RAB38: variants seen among roughly 807,000 people sequenced by gnomAD.
RAB38 encodes the protein RAB38, member RAS oncogene family.
RAB38 carries 15 observed loss-of-function variants against 18.4 expected under a neutral mutation model. The ratio of observed to expected loss-of-function variants is 0.82; its 90% CI spans 0.55 to 1.26. The LOEUF (loss-of-function observed/expected upper bound fraction) is 1.26. Ranked by LOEUF, RAB38 falls within the 50% of genes most tolerant of loss-of-function variation. The pLI, the probability that RAB38 is intolerant of heterozygous loss-of-function variation, is 0.00. For missense variants in RAB38, 294 were observed against 267.4 expected (o/e 1.10, Z -0.69); for synonymous variants, 101 against 104.4 (o/e 0.97, Z 0.20).
At chr11:87,971,769 C>A in the RAB38 span, among the ~76,000 whole-genome samples, 1 of 151,968 alleles carries the variant, frequency 6.6e-6, no homozygotes, top group Admixed American at 6.6e-5. Context: ...TTTAAAGAAC[C>A]ACCTTTGATT....
chr11:87,829,042 C>G, the RAB38 span, among the ~76,000 whole-genome samples: 1 of 152,168 alleles, frequency 6.6e-6, no homozygotes, highest in African/African-American at 2.4e-5. Context: ...AATATCCTCT[C>G]TTTTGCTTCC....
chr11:87,930,558 T>C, the RAB38 span, among the ~76,000 whole-genome samples: 10 of 152,220 alleles, frequency 6.6e-5, no homozygotes, highest in African/African-American at 2.4e-4. Flanking sequence ...GTGCAGAAAC[T>C]CTTTAGTTTA....
At chr11:87,951,467 G>C in the RAB38 span, among the ~76,000 whole-genome samples, 3 of 151,892 alleles carry the variant, frequency 2.0e-5, no homozygotes, top group Non-Finnish European at 2.9e-5. Flanking sequence ...GAGGAGAGGC[G>C]CTCTGCTTTT....
the RAB38 span, among the ~76,000 whole-genome samples, chr11:88,055,203 C>G: frequency 6.6e-6 from 1 of 152,184 alleles, no homozygotes; most frequent in Non-Finnish European, 1.5e-5. Context: ...TGCCTGTGAA[C>G]AGCTACTGCA....
the RAB38 span, among the ~76,000 whole-genome samples, chr11:88,071,086 G>GA: frequency 6.6e-6 from 1 of 152,142 alleles, no homozygotes; most frequent in Non-Finnish European, 1.5e-5. Flanking sequence ...ATGCTCAAAA[G>GA]AAAGACCAGA....
the RAB38 span, among the ~76,000 whole-genome samples, chr11:88,081,875 G>A: frequency 6.6e-6 from 1 of 151,926 alleles, no homozygotes; most frequent in East Asian, 1.9e-4. Context: ...TCCTTCAACT[G>A]GTGAAGGGAT....
the RAB38 span, among the ~76,000 whole-genome samples, chr11:88,055,673 A>C: frequency 1.3e-5 from 2 of 152,344 alleles, no homozygotes; most frequent in East Asian, 3.9e-4. Context: ...TGAAAATATA[A>C]AGCAGTTTTC....
At chr11:88,170,441 G>A (rs1221614165) in intron 1 of RAB38, among the ~76,000 whole-genome samples, 4 of 152,064 alleles carry the variant, frequency 2.6e-5, no homozygotes, top group Non-Finnish European at 5.9e-5. Flanking sequence ...TTCAGAAATC[G>A]GTACTAAAGA....
At chr11:88,160,887 CCT>C (rs909608210) in intron 1 of RAB38, among the ~76,000 whole-genome samples, 137 of 152,074 alleles carry the variant, frequency 9.0e-4, no homozygotes, top group African/African-American at 3.1e-3. Context: ...ATACTCACTC[CCT>C]GAGTAAGGGG....
At chr11:87,864,942 G>C in the RAB38 span, among the ~76,000 whole-genome samples, 1 of 151,782 alleles carries the variant, frequency 6.6e-6, no homozygotes, top group Admixed American at 6.6e-5. Flanking sequence ...TGAAAGGTTA[G>C]ATTTTCTACC....
chr11:87,867,399 ATTG>A, the RAB38 span, among the ~76,000 whole-genome samples: 28 of 151,908 alleles, frequency 1.8e-4, no homozygotes, highest in African/African-American at 6.7e-4. Flanking sequence ...GAAAGAATCC[ATTG>A]TAATGGGAGA....
the RAB38 span, among the ~76,000 whole-genome samples, chr11:88,035,357 AT>A: frequency 6.6e-6 from 1 of 151,838 alleles, no homozygotes; most frequent in Non-Finnish European, 1.5e-5. Context: ...AACTTTTAAG[AT>A]TTTTTTTCTC....
intron 2 of RAB38, among the ~76,000 whole-genome samples, chr11:88,145,087 G>A (rs1018081386): frequency 5.9e-5 from 9 of 152,076 alleles, no homozygotes; most frequent in African/African-American, 2.2e-4. Flanking sequence ...TGCAAAGTGT[G>A]TGTCTACATG....
chr11:88,008,185 C>T, the RAB38 span, among the ~76,000 whole-genome samples: 7 of 152,052 alleles, frequency 4.6e-5, no homozygotes, highest in African/African-American at 1.7e-4. Context: ...TGAAATTATA[C>T]ATTTGATATC....
At chr11:88,105,991 CATTT>C in the RAB38 span, among the ~76,000 whole-genome samples, 1 of 152,080 alleles carries the variant, frequency 6.6e-6, no homozygotes, top group African/African-American at 2.4e-5. Flanking sequence ...TAGCTTCTAA[CATTT>C]ATTATAATGA....
At chr11:87,926,286 C>A in the RAB38 span, among the ~76,000 whole-genome samples, 15 of 151,924 alleles carry the variant, frequency 9.9e-5, no homozygotes, top group Admixed American at 9.9e-4. Context: ...GACTGAATTT[C>A]AGAAAAGTTA....
At chr11:88,010,291 T>C in the RAB38 span, among the ~76,000 whole-genome samples, 1 of 107,650 alleles carries the variant, frequency 9.3e-6, no homozygotes, top group Non-Finnish European at 2.0e-5. Flanking sequence ...CAACAGTCAT[T>C]TAATGAGTTT....
the RAB38 span, among the ~76,000 whole-genome samples, chr11:88,081,430 A>T: frequency 6.6e-6 from 1 of 151,912 alleles, no homozygotes; most frequent in Non-Finnish European, 1.5e-5. Context: ...TTTTTGTCTC[A>T]TAGTTATAGA....
chr11:87,836,804 C>T, the RAB38 span, among the ~76,000 whole-genome samples: 1 of 152,124 alleles, frequency 6.6e-6, no homozygotes, highest in East Asian at 1.9e-4. Context: ...CTGCTCTGGC[C>T]ATAACACCAA....
Sources: allele counts gnomAD v4.1 joint callset (sites outside exome capture counted in the v4.1 genomes callset), GRCh38; gene constraint gnomAD v4.1.1; transcripts MANE v1.5; gene names NCBI Gene and HGNC (gene_info 2026-07-23, HGNC 2026-07-21).